CADPS: variants seen among roughly 807,000 people sequenced by gnomAD.
CADPS encodes calcium dependent secretion activator.
In CADPS, 57 loss-of-function variants were observed where a neutral mutation model predicts 167.3. The observed-to-expected ratio is 0.34, with a 90% CI of 0.28 to 0.42. CADPS has a LOEUF of 0.42. Among genes scored for constraint, CADPS ranks in the 20% least tolerant of loss-of-function variants. CADPS has a pLI of 1.00. For synonymous variants in CADPS, 676 were observed against 635.3 expected (o/e 1.06, Z -0.96); for missense variants, 1,414 against 1,738.1 (o/e 0.81, Z 3.32).
At chr3:62,533,094 T>C (rs1379980599) in intron 12 of CADPS, 36 bp from the exon 13 acceptor site, 1 of 1,581,428 alleles carries the variant, frequency 6.3e-7, no homozygotes, top group Admixed American at 1.7e-5. Context: ...TTCTTTTAAA[T>C]ACAGGTTGTT....
chr3:62,734,328 G>C (rs2078550304), intron 3 of CADPS, among the ~76,000 whole-genome samples: 2 of 152,270 alleles, frequency 1.3e-5, no homozygotes, highest in East Asian at 3.9e-4. Context: ...TATGTGGCTA[G>C]TGTGATTGAA....
intron 6 of CADPS, among the ~76,000 whole-genome samples, chr3:62,599,841 TATATATATA>T (rs1176083569): frequency 6.6e-3 from 12 of 1,828 alleles, no homozygotes; most frequent in Admixed American, 0.037. Flanking sequence ...TATAATATAT[TATATATATA>T]TAATATATAT....
chr3:62,457,400 G>A (rs56781060), intron 26 of CADPS, among the ~76,000 whole-genome samples: 2,651 of 152,250 alleles, frequency 0.017, 83 homozygotes, highest in African/African-American at 0.06. Context: ...TGGAGAATGA[G>A]ATATTCAATT....
chr3:62,513,633 C>A, intron 16 of CADPS: 1 of 1,559,860 alleles, frequency 6.4e-7, no homozygotes, highest in Non-Finnish European at 8.8e-7. Flanking sequence ...GTGGTAGGTA[C>A]TCACGAATGG....
At chr3:62,426,835 AG>A (rs1314257898) in intron 28 of CADPS, among the ~76,000 whole-genome samples, 1 of 151,460 alleles carries the variant, frequency 6.6e-6, no homozygotes, top group Non-Finnish European at 1.5e-5. Context: ...TGGGAGGCCG[AG>A]GGGGGCAGAT....
intron 11 of CADPS, among the ~76,000 whole-genome samples, chr3:62,545,286 T>C (rs768785092): frequency 1.3e-5 from 2 of 152,096 alleles, no homozygotes; most frequent in Non-Finnish European, 2.9e-5. Flanking sequence ...TTTTTACTGT[T>C]CCACTAACAC....
At chr3:62,751,453 T>A (rs985369041) in intron 3 of CADPS, among the ~76,000 whole-genome samples, 22 of 151,614 alleles carry the variant, frequency 1.5e-4, no homozygotes, top group Non-Finnish European at 2.9e-4. Flanking sequence ...ATCTTGTAAT[T>A]TTTTTTTGTT....
intron 6 of CADPS, among the ~76,000 whole-genome samples, chr3:62,638,569 TA>T (rs2066796063): frequency 6.6e-6 from 1 of 152,106 alleles, no homozygotes; most frequent in Admixed American, 6.5e-5. Flanking sequence ...AGGGTTTTTT[TA>T]AAAAGAGTAC....
chr3:62,586,342 G>A (rs968191908), intron 7 of CADPS, among the ~76,000 whole-genome samples: 1 of 152,136 alleles, frequency 6.6e-6, no homozygotes, highest in African/African-American at 2.4e-5. Context: ...CTCTGGAGGT[G>A]GCCGTGAGGG....
At chr3:62,502,655 C>T (rs1212968962) in intron 17 of CADPS, among the ~76,000 whole-genome samples, 4 of 152,072 alleles carry the variant, frequency 2.6e-5, no homozygotes, top group African/African-American at 9.7e-5. Context: ...GTGTTCCAAA[C>T]TGAAACAAAA....
chr3:62,662,535 C>G (rs1001514778), intron 3 of CADPS, 141 bp from the exon 4 acceptor site: 2 of 672,524 alleles, frequency 3.0e-6, no homozygotes, highest in Admixed American at 2.5e-5. Flanking sequence ...CCGACAAATC[C>G]AGTCTGAGTG....
intron 13 of CADPS, among the ~76,000 whole-genome samples, chr3:62,531,507 G>A (rs1315236989): frequency 6.6e-6 from 1 of 152,114 alleles, no homozygotes; most frequent in Non-Finnish European, 1.5e-5. Context: ...AAATACATCA[G>A]TGCTAGAAGG....
intron 28 of CADPS, among the ~76,000 whole-genome samples, chr3:62,423,371 G>T (rs541580032): frequency 1.3e-5 from 2 of 152,314 alleles, no homozygotes; most frequent in South Asian, 4.2e-4. Flanking sequence ...CCACGTTCTA[G>T]CTAGAGGGTC....
At chr3:62,595,856 G>C (rs147326852) in intron 6 of CADPS, among the ~76,000 whole-genome samples, 1 of 152,122 alleles carries the variant, frequency 6.6e-6, no homozygotes, top group Non-Finnish European at 1.5e-5. Flanking sequence ...AGCTTCCAGC[G>C]AATATAAAGC....
chr3:62,552,985 G>C (rs1041794804), intron 10 of CADPS, among the ~76,000 whole-genome samples: 1 of 152,188 alleles, frequency 6.6e-6, no homozygotes, highest in African/African-American at 2.4e-5. Flanking sequence ...AAAGGGGAAG[G>C]AGGAGGAAGA....
chr3:62,708,917 A>G (rs764411587), intron 3 of CADPS, among the ~76,000 whole-genome samples: 6 of 152,016 alleles, frequency 3.9e-5, no homozygotes, highest in Non-Finnish European at 8.8e-5. Flanking sequence ...ACAGAACACA[A>G]TTAGCTACTG....
At chr3:62,482,520 C>G (rs975788034) in intron 21 of CADPS, among the ~76,000 whole-genome samples, 6 of 152,100 alleles carry the variant, frequency 3.9e-5, no homozygotes, top group African/African-American at 1.4e-4. Context: ...TTTTATAGAA[C>G]ATTTAAAGAA....
intron 8 of CADPS, among the ~76,000 whole-genome samples, chr3:62,573,700 C>T (rs190656104): frequency 3.3e-5 from 5 of 152,162 alleles, no homozygotes; most frequent in Non-Finnish European, 2.9e-5. Flanking sequence ...TATTCTCCCT[C>T]AGTTTAAACC....
At chr3:62,682,434 C>T (rs916835222) in intron 3 of CADPS, among the ~76,000 whole-genome samples, 1 of 152,040 alleles carries the variant, frequency 6.6e-6, no homozygotes, top group African/African-American at 2.4e-5. Flanking sequence ...TTGTGTACAC[C>T]TTCTGCAAGG....
Sources: gnomAD v4.1 joint callset for allele counts (sites outside exome capture counted in the v4.1 genomes callset) on GRCh38, gnomAD v4.1.1 for gene constraint, MANE v1.5 for transcripts, NCBI Gene and HGNC (gene_info 2026-07-23, HGNC 2026-07-21) for gene names.